ADARB2: variants seen among roughly 807,000 people sequenced by gnomAD.
The protein encoded by ADARB2 is inactive double-stranded RNA-specific editase B2.
In ADARB2, 25 loss-of-function variants were observed where a neutral mutation model predicts 62.2. The ratio of observed to expected loss-of-function variants is 0.40; its 90% confidence interval spans 0.29 to 0.56. The LOEUF is 0.56. Among genes scored for constraint, ADARB2 ranks in the 20% least tolerant of loss-of-function variants. ADARB2 has a pLI of 0.43. For synonymous variants in ADARB2, 572 were observed against 500.8 expected (o/e 1.14, Z -1.90); for missense variants, 1,071 against 1,077.4 (o/e 0.99, Z 0.08).
At chr10:1,351,998 T>C (rs1251935278) in intron 3 of ADARB2, among the ~76,000 whole-genome samples, 1 of 150,658 alleles carries the variant, frequency 6.6e-6, no homozygotes, top group Non-Finnish European at 1.5e-5. Flanking sequence ...CTTTCTTTAC[T>C]ATTCCTTTGC....
chr10:1,645,106 C>T (rs939707747), intron 1 of ADARB2, among the ~76,000 whole-genome samples: 1 of 152,222 alleles, frequency 6.6e-6, no homozygotes, highest in East Asian at 1.9e-4. Context: ...ATCAGTGGGT[C>T]CTGGGATTCT....
intron 1 of ADARB2, among the ~76,000 whole-genome samples, chr10:1,481,598 C>G (rs559410711): frequency 1.4e-5 from 2 of 146,426 alleles, no homozygotes; most frequent in African/African-American, 5.0e-5. Context: ...ATGGGCTGGG[C>G]ACAGTGGCTC....
rs1437262742 is a variant in ADARB2 at position 1,178,875 on chromosome 10, G to A, written c.*4318C>T. 2 of 152,188 alleles carry A rather than the reference G, an allele frequency of 1.3e-5. No individual in the cohort carries two copies. The highest frequency in any genetic ancestry group is 2.9e-5 in the Non-Finnish European group (2 of 68,028). 9.4% of individuals were successfully genotyped at this position (152,188 alleles called of 1,614,324 possible). A position where few individuals can be genotyped will look rare whatever the true frequency, so the allele number is the denominator to read the frequency against. Reference sequence around the variant, plus strand: ...CGGGTTCTGTTGGGTGTTATGAGAGGCGGCTGCAGCGATCCAACGGTAGTA... The same window carrying A: ...CGGGTTCTGTTGGGTGTTATGAGAGACGGCTGCAGCGATCCAACGGTAGTA... On this transcript the variant is annotated 3_prime_UTR_variant, in exon 10 of 10. Coordinates refer to ENST00000381312, the MANE Select transcript of ADARB2 (RefSeq NM_018702.4).
chr10:1,545,560 C>G (rs1452068279), intron 1 of ADARB2, among the ~76,000 whole-genome samples: 3 of 152,222 alleles, frequency 2.0e-5, no homozygotes, highest in Non-Finnish European at 4.4e-5. Context: ...CCTCCCCTTC[C>G]TCCCCTTCCC....
chr10:1,636,413 A>G (rs539387200), intron 1 of ADARB2, among the ~76,000 whole-genome samples: 1 of 152,274 alleles, frequency 6.6e-6, no homozygotes, highest in African/African-American at 2.4e-5. Context: ...GCTACTCAGG[A>G]GGCTGAGGCA....
At chr10:1,664,839 GCTC>G (rs753565315) in intron 1 of ADARB2, among the ~76,000 whole-genome samples, 1 of 152,216 alleles carries the variant, frequency 6.6e-6, no homozygotes, top group African/African-American at 2.4e-5. Flanking sequence ...TTGCCAAATG[GCTC>G]CTCAAGACTG....
At chr10:1,253,137 AAAT>A (rs1257414640) in intron 4 of ADARB2, among the ~76,000 whole-genome samples, 1 of 152,228 alleles carries the variant, frequency 6.6e-6, no homozygotes, top group Non-Finnish European at 1.5e-5. Flanking sequence ...AGATTAAAGA[AAAT>A]AATGCGAAGT....
intron 1 of ADARB2, among the ~76,000 whole-genome samples, chr10:1,646,391 G>T (rs530588075): frequency 1.3e-5 from 2 of 152,218 alleles, no homozygotes; most frequent in Non-Finnish European, 2.9e-5. Context: ...CATGTTCTTG[G>T]CATCCTTTGA....
chr10:1,238,606 T>C (rs1220808875), intron 5 of ADARB2, among the ~76,000 whole-genome samples: 49 of 530 alleles, frequency 0.092, 4 homozygotes, highest in African/African-American at 0.23. Context: ...TCCCGGTGTT[T>C]ACTCCCCTCT....
intron 3 of ADARB2, among the ~76,000 whole-genome samples, chr10:1,328,220 G>A (rs965914188): frequency 1.1e-4 from 16 of 152,164 alleles, no homozygotes; most frequent in African/African-American, 3.1e-4. Flanking sequence ...CGATTGTGGC[G>A]GCACAGGGAC....
chr10:1,360,633 C>T (rs558014616), intron 3 of ADARB2, among the ~76,000 whole-genome samples: 140 of 152,322 alleles, frequency 9.2e-4, no homozygotes, highest in Non-Finnish European at 1.7e-3. Flanking sequence ...TCCCAGCCCC[C>T]GCCCAGCTGT....
chr10:1,281,015 T>C (rs1831366372), intron 3 of ADARB2, among the ~76,000 whole-genome samples: 1 of 152,192 alleles, frequency 6.6e-6, no homozygotes, highest in African/African-American at 2.4e-5. Flanking sequence ...CTCTGAGTCA[T>C]AGAAGAGAGA....
intron 1 of ADARB2, among the ~76,000 whole-genome samples, chr10:1,712,406 T>G (rs979285982): frequency 9.9e-5 from 15 of 152,058 alleles, no homozygotes; most frequent in African/African-American, 3.4e-4. Context: ...TAAGAAGTTA[T>G]GAGGTGTATT....
intron 1 of ADARB2, chr10:1,556,753 G>A (rs1317598808): frequency 1.9e-6 from 1 of 534,442 alleles, no homozygotes; most frequent in South Asian, 1.4e-5. Context: ...GAGCCAGCCG[G>A]CCCCCAGGAA....
chr10:1,392,888 C>A lies in ADARB2; in HGVS notation c.101-13728G>T, dbSNP rs183264935. Among the ~76,000 whole-genome samples, 252 of 152,210 alleles carry A rather than the reference C, an allele frequency of 1.7e-3. 1 individual carries two copies. Among genetic ancestry groups the A allele is most frequent in the African/African-American group, 5.9e-3 (245 of 41,526 alleles). ...TACAAGAATTCATGCTGAAGTCTAA[C>A]CCCCCAGTCCCTCAGAATGTGACCG... On this transcript the variant is annotated intron_variant, in intron 1 of 9. Coordinates refer to ENST00000381312, the MANE Select transcript of ADARB2 (RefSeq NM_018702.4).
At chr10:1,271,168 T>G in intron 3 of ADARB2, 99 bp from the exon 4 acceptor site, 1 of 905,336 alleles carries the variant, frequency 1.1e-6, no homozygotes. Flanking sequence ...CATCCCCATG[T>G]GGCCACACAT....
At chr10:1,734,006 G>GTT (rs5782600) in intron 1 of ADARB2, among the ~76,000 whole-genome samples, 183 of 148,826 alleles carry the variant, frequency 1.2e-3, no homozygotes, top group Non-Finnish European at 1.5e-3. Context: ...CCTTCTCATA[G>GTT]TTTTTTTTTT....
chr10:1,663,900 G>A (rs1345343744), intron 1 of ADARB2, among the ~76,000 whole-genome samples: 2 of 152,308 alleles, frequency 1.3e-5, no homozygotes, highest in East Asian at 1.9e-4. Flanking sequence ...TTGCAGGTGT[G>A]AGCCACCACG....
chr10:1,535,302 T>C (rs1382213752), intron 1 of ADARB2, among the ~76,000 whole-genome samples: 1 of 152,074 alleles, frequency 6.6e-6, no homozygotes, highest in Non-Finnish European at 1.5e-5. Context: ...TAACAAAATC[T>C]TCAGACGAGA....
Sources: gnomAD v4.1 joint callset for allele counts (sites outside exome capture counted in the v4.1 genomes callset) on GRCh38, gnomAD v4.1.1 for gene constraint, MANE v1.5 for transcripts, NCBI Gene and HGNC (gene_info 2026-07-23, HGNC 2026-07-21) for gene names.